The following SLC22A23 variants were observed in gnomAD, a reference collection of about 807,000 sequenced individuals.
The protein encoded by SLC22A23 is ion transporter protein.
A neutral mutation model predicts 61.0 loss-of-function variants in SLC22A23; 26 were observed. That is an observed-to-expected ratio of 0.43 (90% CI 0.31 to 0.59). The LOEUF (loss-of-function observed/expected upper bound fraction) is 0.59, where lower values mean the gene tolerates loss of function less well. Among genes scored for constraint, SLC22A23 ranks in the 20% least tolerant of loss-of-function variants. The pLI is 0.11. For synonymous variants in SLC22A23, 430 were observed against 413.9 expected (o/e 1.04, Z -0.47); for missense variants, 796 against 934.7 (o/e 0.85, Z 1.94).
intron 4 of SLC22A23, chr6:3,323,186 C>T: frequency 2.2e-6 from 1 of 453,126 alleles, no homozygotes; most frequent in Non-Finnish European, 4.4e-6. Flanking sequence ...GCATATTAGA[C>T]TGATATTGAG....
intron 3 of SLC22A23, among the ~76,000 whole-genome samples, chr6:3,343,528 CTT>C (rs34177778): frequency 0.39 from 58,797 of 151,992 alleles, 12,782 homozygotes; most frequent in African/African-American, 0.59. Flanking sequence ...TTTTAGACAT[CTT>C]TTTTTCAATA....
In SLC22A23 at chr6:3,304,882, G is replaced by A. The variant is rs1761864056; in HGVS notation, c.1083-6664C>T. 1.3e-5 allele frequency among the ~76,000 whole-genome samples: 2 copies of A among 152,168 alleles called. No individual in the cohort carries two copies. Among genetic ancestry groups the A allele is most frequent in the South Asian group, 2.1e-4 (1 of 4,830 alleles). On this transcript the variant is annotated intron_variant, in intron 4 of 9. Transcript: ENST00000406686. This position sits in a 1 kb window ranked among gnomAD's most constrained non-coding sequence, Gnocchi z 4.3. Reference sequence around the variant, plus strand: ...AATGCTGGGAATGAGGTGAGAAGACGCAGGGAGAGGAGAGGGATGCAGGGC... The same window carrying A: ...AATGCTGGGAATGAGGTGAGAAGACACAGGGAGAGGAGAGGGATGCAGGGC...
At chr6:3,348,269 C>T (rs1764560622) in intron 3 of SLC22A23, among the ~76,000 whole-genome samples, 1 of 152,300 alleles carries the variant, frequency 6.6e-6, no homozygotes, top group Admixed American at 6.5e-5. Flanking sequence ...TGGTTTCTGA[C>T]CATGGCCTGG....
At chr6:3,400,688 A>T (rs1288696135) in intron 3 of SLC22A23, among the ~76,000 whole-genome samples, 2 of 152,234 alleles carry the variant, frequency 1.3e-5, no homozygotes, top group African/African-American at 2.4e-5. Flanking sequence ...GATTCCACCC[A>T]AGCATCTTCT....
At chr6:3,403,213 T>C (rs1768553446) in intron 3 of SLC22A23, among the ~76,000 whole-genome samples, 2 of 151,970 alleles carry the variant, frequency 1.3e-5, no homozygotes, top group Non-Finnish European at 2.9e-5. Flanking sequence ...GTGACTGATT[T>C]ATTTCCTCTT....
At chr6:3,353,482 C>G (rs1327301024) in intron 3 of SLC22A23, among the ~76,000 whole-genome samples, 1 of 152,204 alleles carries the variant, frequency 6.6e-6, no homozygotes, top group Non-Finnish European at 1.5e-5. Flanking sequence ...TGCCGTGACC[C>G]TCATGCTGGG....
At chr6:3,381,288 C>T (rs1286968233) in intron 3 of SLC22A23, among the ~76,000 whole-genome samples, 7 of 152,166 alleles carry the variant, frequency 4.6e-5, no homozygotes, top group African/African-American at 1.7e-4. Flanking sequence ...TTAGTGAGGT[C>T]CATCTGCCCA....
At chr6:3,326,850 G>A (rs1388554825) in intron 3 of SLC22A23, among the ~76,000 whole-genome samples, 1 of 152,228 alleles carries the variant, frequency 6.6e-6, no homozygotes. Flanking sequence ...AGAAACTGCA[G>A]GCACTTGAGG....
chr6:3,437,911 C>T (rs1771332768), intron 1 of SLC22A23, among the ~76,000 whole-genome samples: 1 of 151,830 alleles, frequency 6.6e-6, no homozygotes, highest in Non-Finnish European at 1.5e-5. Context: ...CCACACCCAG[C>T]TAATTTTTTC....
At chr6:3,448,735 C>A (rs1772034754) in intron 1 of SLC22A23, among the ~76,000 whole-genome samples, 1 of 152,182 alleles carries the variant, frequency 6.6e-6, no homozygotes, top group Non-Finnish European at 1.5e-5. Context: ...ACCTCGTGAT[C>A]CGCCCACCTC....
chr6:3,318,445 C>T lies in SLC22A23; in HGVS notation c.1082+5389G>A, dbSNP rs934868994. On this transcript the variant is annotated intron_variant, in intron 4 of 9. Transcript: ENST00000406686. The surrounding 1 kb of genome is among the most constrained non-coding windows in gnomAD (Gnocchi z 4.3). ...ACCTAGGGACAGCCCTATGCCCACG[C>T]GCTGCAGAAATGATCAAACTGCCAA... Among the ~76,000 whole-genome samples, 2 of 152,124 alleles carry T rather than the reference C, an allele frequency of 1.3e-5. No homozygotes were observed. The highest frequency in any genetic ancestry group is 6.5e-5 in the Admixed American group (1 of 15,274).
intron 1 of SLC22A23, among the ~76,000 whole-genome samples, chr6:3,421,540 G>A (rs984934457): frequency 6.6e-6 from 1 of 152,202 alleles, no homozygotes; most frequent in Admixed American, 6.5e-5. Context: ...TAGAAGAGAT[G>A]TTTGTATATG....
chr6:3,315,935 C>T (rs1410428487), intron 4 of SLC22A23, among the ~76,000 whole-genome samples: 1 of 152,124 alleles, frequency 6.6e-6, no homozygotes, highest in Non-Finnish European at 1.5e-5. Flanking sequence ...TCTTCTTTTG[C>T]AACTTCTTAT....
At chr6:3,290,451 G>C (rs1760475650) in intron 5 of SLC22A23, 2 of 174,990 alleles carry the variant, frequency 1.1e-5, no homozygotes, top group Non-Finnish European at 2.5e-5. Flanking sequence ...ACATCTGCGT[G>C]TATGTGTATA....
intron 3 of SLC22A23, among the ~76,000 whole-genome samples, chr6:3,378,822 TAA>T (rs1438395147): frequency 6.6e-6 from 1 of 151,940 alleles, no homozygotes; most frequent in Non-Finnish European, 1.5e-5. Context: ...CACACCCGGC[TAA>T]TTTTTTGTAT....
intron 3 of SLC22A23, among the ~76,000 whole-genome samples, chr6:3,332,395 T>C (rs1055260562): frequency 6.6e-6 from 1 of 151,658 alleles, no homozygotes; most frequent in African/African-American, 2.4e-5. Flanking sequence ...TACTTCTAAA[T>C]AGAGAAGAAT....
chr6:3,442,896 G>A (rs1024335019), intron 1 of SLC22A23, among the ~76,000 whole-genome samples: 1 of 151,788 alleles, frequency 6.6e-6, no homozygotes, highest in Admixed American at 6.6e-5. Flanking sequence ...CTGTGACTCA[G>A]CTCTTTGGTT....
intron 3 of SLC22A23, among the ~76,000 whole-genome samples, chr6:3,340,211 C>T (rs914237334): frequency 3.3e-5 from 5 of 152,090 alleles, no homozygotes; most frequent in African/African-American, 7.2e-5. Context: ...ACCAGCTATA[C>T]GAATGACATT....
At chr6:3,380,881 C>T (rs746069438) in intron 3 of SLC22A23, among the ~76,000 whole-genome samples, 11 of 152,014 alleles carry the variant, frequency 7.2e-5, no homozygotes, top group Non-Finnish European at 1.0e-4. Context: ...TGCTGCTGGC[C>T]GGCATCCAGG....
Sources: allele counts gnomAD v4.1 joint callset (sites outside exome capture counted in the v4.1 genomes callset), GRCh38; gene constraint gnomAD v4.1.1; non-coding constraint Gnocchi (gnomAD v3.1); transcripts MANE v1.5; gene names NCBI Gene and HGNC (gene_info 2026-07-23, HGNC 2026-07-21).